STK32B: variants seen among roughly 807,000 people sequenced by gnomAD.
STK32B encodes serine/threonine-protein kinase 32B.
A neutral mutation model predicts 52.6 loss-of-function variants in STK32B; 43 were observed. That is an observed-to-expected ratio of 0.82 (90% CI 0.64 to 1.05). STK32B has a LOEUF of 1.05. Among genes scored for constraint, STK32B ranks in the 50% least tolerant of loss-of-function variants. STK32B has a pLI of 0.00. For missense variants in STK32B, 621 were observed against 534.6 expected (o/e 1.16, Z -1.59); for synonymous variants, 238 against 204.3 (o/e 1.17, Z -1.41).
intron 3 of STK32B, among the ~76,000 whole-genome samples, chr4:5,323,866 A>T (rs971753042): frequency 2.6e-5 from 4 of 152,202 alleles, no homozygotes; most frequent in Non-Finnish European, 5.9e-5. Context: ...GGAAAGTGCT[A>T]TAGGGCATCA....
chr4:5,098,436 G>A (rs533166345), intron 1 of STK32B, among the ~76,000 whole-genome samples: 1 of 152,232 alleles, frequency 6.6e-6, no homozygotes, highest in Non-Finnish European at 1.5e-5. Flanking sequence ...CAGCAGCAGA[G>A]AGTGGGTAGA....
At chr4:5,444,929 T>A (rs1032502027) in intron 6 of STK32B, among the ~76,000 whole-genome samples, 1 of 152,206 alleles carries the variant, frequency 6.6e-6, no homozygotes, top group East Asian at 1.9e-4. Flanking sequence ...CTAAGGGACA[T>A]GTTCTCAAAT....
At chr4:5,069,039 A>G (rs939319101) in intron 1 of STK32B, among the ~76,000 whole-genome samples, 1 of 152,186 alleles carries the variant, frequency 6.6e-6, no homozygotes, top group African/African-American at 2.4e-5. Context: ...AACTTGTTCC[A>G]TGGATAATTT....
chr4:5,313,043 C>G (rs1001219401), intron 3 of STK32B, among the ~76,000 whole-genome samples: 1 of 151,664 alleles, frequency 6.6e-6, no homozygotes, highest in African/African-American at 2.4e-5. Context: ...ACCAACATAG[C>G]TCATGAATAT....
chr4:5,294,510 T>C (rs1023998167), intron 3 of STK32B, among the ~76,000 whole-genome samples: 16 of 152,148 alleles, frequency 1.1e-4, no homozygotes, highest in Admixed American at 9.8e-4. Context: ...GTTGTATTCT[T>C]AGGTATTTTA....
intron 3 of STK32B, among the ~76,000 whole-genome samples, chr4:5,287,116 T>C (rs1176968246): frequency 6.6e-6 from 1 of 152,072 alleles, no homozygotes; most frequent in Non-Finnish European, 1.5e-5. Flanking sequence ...TTTTGTTGGT[T>C]ATATTCTAAG....
chr4:5,244,983 T>A (rs913540544), intron 3 of STK32B, among the ~76,000 whole-genome samples: 6 of 152,240 alleles, frequency 3.9e-5, no homozygotes, highest in South Asian at 4.1e-4. Flanking sequence ...TGCTGAGGAG[T>A]GCTTTACTTC....
chr4:5,449,235 C>T (rs1715757584), intron 7 of STK32B, among the ~76,000 whole-genome samples: 1 of 152,062 alleles, frequency 6.6e-6, no homozygotes, highest in East Asian at 1.9e-4. Flanking sequence ...CGCAGCTAGT[C>T]GAGAGTCTGA....
chr4:5,081,502 A>G (rs982903604), intron 1 of STK32B, among the ~76,000 whole-genome samples: 1 of 152,042 alleles, frequency 6.6e-6, no homozygotes, highest in Non-Finnish European at 1.5e-5. Context: ...CCATATTCCC[A>G]TAGTCCATCT....
At chr4:5,131,665 C>T (rs150567954) in intron 1 of STK32B, among the ~76,000 whole-genome samples, 5 of 152,302 alleles carry the variant, frequency 3.3e-5, no homozygotes, top group Non-Finnish European at 5.9e-5. Context: ...TTGCCAAGGG[C>T]CTTTGCACAT....
Position 5,230,556 on chromosome 4 carries a change from C to A in STK32B, c.260+62106C>A, listed in dbSNP as rs958397555. Reference sequence around the variant, plus strand: ...TGTGGAGAACTCCACTCTATACTCACGAGAGTATGAAGGTTTGGGCAAATA... The same window carrying A: ...TGTGGAGAACTCCACTCTATACTCAAGAGAGTATGAAGGTTTGGGCAAATA... On this transcript the variant is annotated intron_variant, in intron 3 of 11. Transcript: ENST00000282908. Among the ~76,000 whole-genome samples the A allele has an allele frequency of 3.9e-5, 6 of 152,010 alleles. No individual in the cohort carries two copies. In the East Asian group the frequency reaches 7.7e-4, roughly 20 times the overall value.
At chr4:5,164,387 G>A (rs879696500) in intron 2 of STK32B, among the ~76,000 whole-genome samples, 9 of 152,084 alleles carry the variant, frequency 5.9e-5, no homozygotes, top group African/African-American at 9.7e-5. Context: ...TTCTAAGGAC[G>A]CTTGTCATTT....
chr4:5,230,837 G>A (rs1049922647), intron 3 of STK32B, among the ~76,000 whole-genome samples: 2 of 152,126 alleles, frequency 1.3e-5, no homozygotes, highest in African/African-American at 4.8e-5. Context: ...AACAAGAGGG[G>A]GTAAGAGAGA....
chr4:5,258,063 G>A (rs537732243), intron 3 of STK32B, among the ~76,000 whole-genome samples: 1 of 152,188 alleles, frequency 6.6e-6, no homozygotes, highest in African/African-American at 2.4e-5. Context: ...TTCACTCTCT[G>A]TGCCTGTGGA....
At chr4:5,234,474 A>G (rs1724491520) in intron 3 of STK32B, among the ~76,000 whole-genome samples, 1 of 151,740 alleles carries the variant, frequency 6.6e-6, no homozygotes, top group African/African-American at 2.4e-5. Context: ...TCACTGCTCT[A>G]TTTCCTAGCT....
At chr4:5,250,678 C>T (rs1322680234) in intron 3 of STK32B, among the ~76,000 whole-genome samples, 1 of 152,188 alleles carries the variant, frequency 6.6e-6, no homozygotes, top group African/African-American at 2.4e-5. Flanking sequence ...TACTTTTCTA[C>T]CAGCAGTGTA....
intron 7 of STK32B, among the ~76,000 whole-genome samples, chr4:5,450,730 A>G (rs1715914158): frequency 6.6e-6 from 1 of 152,200 alleles, no homozygotes; most frequent in East Asian, 1.9e-4. Context: ...GAATTAAATG[A>G]TTCTGATTAT....
chr4:5,421,159 T>C lies in STK32B; in HGVS notation c.562+4225T>C, dbSNP rs536636853. The stretch of plus-strand genomic sequence containing the variant: ...GCCTGGAGTGCAGTGGCGTGATCTC[T>C]GCTCACTGCAAACTCCACCTCCTGG... On this transcript the variant is annotated intron_variant, in intron 6 of 11. Coordinates refer to ENST00000282908, the MANE Select transcript of STK32B (RefSeq NM_018401.3). Among the ~76,000 whole-genome samples the C allele has an allele frequency of 2.0e-5, 3 of 148,398 alleles. No individual in the cohort carries two copies. In the East Asian group the frequency reaches 6.0e-4, roughly 30 times the overall value.
upstream of STK32B, among the ~76,000 whole-genome samples, chr4:5,048,708 G>A (rs989344022): frequency 1.3e-5 from 2 of 152,268 alleles, no homozygotes; most frequent in Non-Finnish European, 2.9e-5. Context: ...GATTATAGGC[G>A]TGAAACGCCA....
Sources: gnomAD v4.1 joint callset for allele counts (sites outside exome capture counted in the v4.1 genomes callset) on GRCh38, gnomAD v4.1.1 for gene constraint, MANE v1.5 for transcripts, NCBI Gene and HGNC (gene_info 2026-07-23, HGNC 2026-07-21) for gene names.